The following CD55 variants were observed in gnomAD, a reference collection of about 807,000 sequenced individuals.
CD55 encodes the protein CD55 molecule (Cromer blood group).
CD55 carries 41 observed loss-of-function variants against 45.8 expected under a neutral mutation model. That is an observed-to-expected ratio of 0.90 (90% CI 0.70 to 1.16). The LOEUF is 1.16. Among genes scored for constraint, CD55 ranks in the 50% most tolerant of loss-of-function variants. CD55 has a pLI of 0.00. For missense variants in CD55, 416 were observed against 469.8 expected (o/e 0.89, Z 1.06); for synonymous variants, 181 against 181.1 (o/e 1.00, Z 0.01).
chr1:207,343,538 T>C (rs761967608), intron 9 of CD55, among the ~76,000 whole-genome samples: 38 of 152,322 alleles, frequency 2.5e-4, no homozygotes, highest in Non-Finnish European at 4.3e-4. Context: ...TTTGAGAAGA[T>C]ACTTGATACA....
intron 1 of CD55, 30 bp from the exon 2 acceptor site, chr1:207,322,351 AT>A (rs1654454325): frequency 6.3e-7 from 1 of 1,590,926 alleles, no homozygotes; most frequent in Non-Finnish European, 8.6e-7. Context: ...CTTGATAGTC[AT>A]TTCCTTCAGT....
intron 5 of CD55, among the ~76,000 whole-genome samples, chr1:207,328,479 C>A (rs780940189): frequency 6.6e-6 from 1 of 152,146 alleles, no homozygotes; most frequent in Non-Finnish European, 1.5e-5. Context: ...AGTGTCCATG[C>A]GTGAATATGG....
At chr1:207,352,100 T>C (rs530513708) in intron 9 of CD55, among the ~76,000 whole-genome samples, 21 of 152,146 alleles carry the variant, frequency 1.4e-4, no homozygotes, top group Non-Finnish European at 2.9e-4. Context: ...TTGGAAGTAT[T>C]TGATTTTTTT....
chr1:207,357,067 C>T (rs1002600614), intron 9 of CD55, among the ~76,000 whole-genome samples: 8 of 152,132 alleles, frequency 5.3e-5, no homozygotes, highest in African/African-American at 1.7e-4. Flanking sequence ...TTACCCTCTA[C>T]AATTTTTCTA....
chr1:207,352,487 A>G (rs1182426910), intron 9 of CD55, among the ~76,000 whole-genome samples: 1 of 152,154 alleles, frequency 6.6e-6, no homozygotes, highest in Non-Finnish European at 1.5e-5. Context: ...AAAATCATAT[A>G]GAAGAAAGAG....
intron 9 of CD55, among the ~76,000 whole-genome samples, chr1:207,356,769 C>T (rs1398893503): frequency 1.3e-5 from 2 of 152,148 alleles, no homozygotes; most frequent in Non-Finnish European, 2.9e-5. Context: ...ACACACACAT[C>T]AGTATTATTT....
rs763107135 is a variant in CD55, at chr1:207,322,438, A to G, written c.157A>G (p.Thr53Ala). 5.6e-6 allele frequency: 9 copies of G among 1,614,146 alleles called. No individual in the cohort carries two copies. The East Asian group carries it at 1.6e-4, about 28-fold the overall frequency. The change falls in exon 2 of 10, where the codon ACA (threonine) becomes GCA (alanine). Residue 53 changes from threonine to alanine, a missense_variant. Thr to Ala is a moderately conservative substitution (Grantham distance 58). Around this residue, in one of 3 missense-constraint regions of CD55, gnomAD observed 123 missense variants for 105.1 expected, o/e 1.17. Coordinates refer to ENST00000367064, the MANE Select transcript of CD55 (RefSeq NM_000574.5). ...TGCCCAGCCAGCTTTGGAAGGCCGT[A>G]CAAGTTTTCCCGAGGATACTGTAAT... ...PNAQPALEGR[T>A]SFPEDTVITY...
chr1:207,344,137 A>G (rs1655536900), intron 9 of CD55, among the ~76,000 whole-genome samples: 1 of 152,222 alleles, frequency 6.6e-6, no homozygotes, highest in Admixed American at 6.5e-5. Context: ...ATCTTTTAAG[A>G]GGAAAGTTTA....
intron 9 of CD55, chr1:207,358,516 CT>C (rs1413550736): frequency 1.3e-5 from 2 of 152,144 alleles, no homozygotes; most frequent in African/African-American, 2.4e-5. Flanking sequence ...TACTATTCAG[CT>C]CTTATAATGC....
chr1:207,342,411 C>A (rs1507762), intron 9 of CD55, among the ~76,000 whole-genome samples: 42,286 of 152,000 alleles, frequency 0.28, 6,151 homozygotes, highest in African/African-American at 0.35. Flanking sequence ...AGCTTTTCCT[C>A]ATTCAACAGA....
chr1:207,355,712 A>G (rs921663490), intron 9 of CD55, among the ~76,000 whole-genome samples: 2 of 152,212 alleles, frequency 1.3e-5, no homozygotes, highest in Admixed American at 1.3e-4. Flanking sequence ...TTAACCACAT[A>G]TGTTAATGTT....
At chr1:207,332,611 G>A (rs1654998539) in intron 6 of CD55, among the ~76,000 whole-genome samples, 1 of 152,086 alleles carries the variant, frequency 6.6e-6, no homozygotes, top group Non-Finnish European at 1.5e-5. Context: ...AGTTTAGTGT[G>A]TGTGCTTTTT....
intron 6 of CD55, among the ~76,000 whole-genome samples, chr1:207,332,038 G>T (rs1366685564): frequency 6.6e-6 from 1 of 151,880 alleles, no homozygotes; most frequent in African/African-American, 2.4e-5. Flanking sequence ...TATTAAAATA[G>T]ATTTTTATTA....
chr1:207,331,573 A>G (rs1235471838), intron 6 of CD55, among the ~76,000 whole-genome samples: 1 of 152,110 alleles, frequency 6.6e-6, no homozygotes, highest in Non-Finnish European at 1.5e-5. Flanking sequence ...GTTTTATACC[A>G]TGTTGCTTTC....
At chr1:207,341,146 G>A (rs560058591) in intron 9 of CD55, among the ~76,000 whole-genome samples, 3 of 151,974 alleles carry the variant, frequency 2.0e-5, no homozygotes, top group Non-Finnish European at 4.4e-5. Context: ...AGTTGAGTTC[G>A]TTGTATATTC....
chr1:207,323,985 T>C (rs1421628399), intron 2 of CD55, among the ~76,000 whole-genome samples: 1 of 152,228 alleles, frequency 6.6e-6, no homozygotes, highest in Non-Finnish European at 1.5e-5. Context: ...CACTTGACCA[T>C]GCCTCTCTAG....
chr1:207,326,890 TA>T lies in CD55; in HGVS notation c.664+56del. On this transcript the variant is annotated intron_variant, in intron 5 of 9. Coordinates refer to ENST00000367064, the MANE Select transcript of CD55 (RefSeq NM_000574.5). Reference sequence around the variant, plus strand: ...GATTGTGAGGCTGAGTACTCAATGATAAATTAATTTCTGCCCCTTAAGAATA... The same window carrying T: ...GATTGTGAGGCTGAGTACTCAATGATAATTAATTTCTGCCCCTTAAGAATA... 3 of 1,262,040 alleles carry T rather than the reference TA, an allele frequency of 2.4e-6. No individual in the cohort carries two copies. In the South Asian group the frequency reaches 3.7e-5, roughly 16 times the overall value. 78.2% of individuals were successfully genotyped at this position (1,262,040 alleles called of 1,614,324 possible). A position where few individuals can be genotyped will look rare whatever the true frequency, so the allele number is the denominator to read the frequency against.
chr1:207,353,940 G>A (rs11120753), intron 9 of CD55: 367,506 of 1,453,924 alleles, frequency 0.25, 48,280 homozygotes, highest in African/African-American at 0.35. Context: ...TATGATATAA[G>A]CAAGAACAAA....
At chr1:207,350,084 T>C (rs1655803127) in intron 9 of CD55, 1 of 454,410 alleles carries the variant, frequency 2.2e-6, no homozygotes, top group African/African-American at 2.0e-5. Context: ...TTGAATGTTG[T>C]CAAAAGCCTT....
Sources: allele counts gnomAD v4.1 joint callset (sites outside exome capture counted in the v4.1 genomes callset), GRCh38; gene constraint gnomAD v4.1.1; regional missense constraint gnomAD v4.1.1; transcripts MANE v1.5; gene names NCBI Gene and HGNC (gene_info 2026-07-23, HGNC 2026-07-21).